The following WDPCP variants were observed in gnomAD, a reference collection of about 807,000 sequenced individuals.
WDPCP encodes WD repeat containing planar cell polarity effector, also known as WD repeat-containing and planar cell polarity effector protein fritz homolog.
Under a neutral mutation model 93.1 loss-of-function variants are expected in WDPCP, and 71 were observed. The observed-to-expected ratio is 0.76, with a 90% CI of 0.63 to 0.93. The LOEUF (loss-of-function observed/expected upper bound fraction) is 0.93. WDPCP is among the 40% of genes least tolerant of loss of function. The pLI is 0.00. For synonymous variants in WDPCP, 315 were observed against 315.0 expected (o/e 1.00, Z 0.00); for missense variants, 844 against 887.4 (o/e 0.95, Z 0.62).
At chr2:63,331,292 G>A (rs1687960231) in intron 12 of WDPCP, among the ~76,000 whole-genome samples, 1 of 151,956 alleles carries the variant, frequency 6.6e-6, no homozygotes, top group South Asian at 2.1e-4. Context: ...TTCTTTTGTT[G>A]GTATGAAATC....
At chr2:63,454,920 A>G (rs1161560046) in intron 6 of WDPCP, among the ~76,000 whole-genome samples, 1 of 152,218 alleles carries the variant, frequency 6.6e-6, no homozygotes, top group Non-Finnish European at 1.5e-5. Context: ...AATTGCTGAA[A>G]GAAAAATATA....
chr2:63,254,031 C>G (rs1205721199), intron 14 of WDPCP, among the ~76,000 whole-genome samples: 1 of 152,006 alleles, frequency 6.6e-6, no homozygotes, highest in African/African-American at 2.4e-5. Flanking sequence ...ATATATACAC[C>G]ATGGAAAACT....
At chr2:63,594,974 T>TC (rs1033354933) in intron 3 of WDPCP, 1 of 251,746 alleles carries the variant, frequency 4.0e-6, no homozygotes, top group Admixed American at 5.1e-5. Context: ...AAGCAGGCAC[T>TC]CCGACTTCCA....
intron 2 of WDPCP, among the ~76,000 whole-genome samples, chr2:63,802,012 C>G (rs1162007822): frequency 6.6e-6 from 1 of 152,122 alleles, no homozygotes; most frequent in Non-Finnish European, 1.5e-5. Flanking sequence ...TTAGTAAGCA[C>G]CACCTCTTCA....
chr2:63,482,970 CCTTT>C (rs1285302197), intron 6 of WDPCP, among the ~76,000 whole-genome samples: 4 of 151,662 alleles, frequency 2.6e-5, no homozygotes, highest in Admixed American at 6.6e-5. Context: ...ATGAAAATTC[CCTTT>C]CTGAGTTGAA....
At chr2:63,279,055 A>G (rs1271382998) in intron 13 of WDPCP, among the ~76,000 whole-genome samples, 1 of 152,208 alleles carries the variant, frequency 6.6e-6, no homozygotes, top group Non-Finnish European at 1.5e-5. Context: ...TCTATCAGAC[A>G]TTCAAAGAAT....
At chr2:63,818,969 T>A (rs1016170835) in intron 1 of WDPCP, among the ~76,000 whole-genome samples, 9 of 152,070 alleles carry the variant, frequency 5.9e-5, no homozygotes, top group Admixed American at 3.9e-4. Context: ...AATACAAACG[T>A]CTCTTGATAT....
At position 63,260,369 on chromosome 2, in the gene WDPCP, G is replaced by A. The variant is rs181300745; in HGVS notation, c.1813-960C>T. 3.1e-4 allele frequency among the ~76,000 whole-genome samples: 47 copies of A among 152,274 alleles called. 1 individual carries two copies. The highest frequency in any genetic ancestry group is 2.7e-3 in the Admixed American group (42 of 15,294). On this transcript the variant is annotated intron_variant, in intron 13 of 17. Coordinates refer to ENST00000272321, the MANE Select transcript of WDPCP (RefSeq NM_015910.7). ...AGAATATGAACAACCAGTTTACAGT[G>A]AAGAAATAAATATAAATGGCTTATC...
chr2:63,761,169 T>C (rs1205276053), intron 2 of WDPCP, among the ~76,000 whole-genome samples: 1 of 152,148 alleles, frequency 6.6e-6, no homozygotes, highest in Non-Finnish European at 1.5e-5. Flanking sequence ...TCTGCCTTCA[T>C]AAATGGATTA....
At chr2:63,720,724 C>CT (rs1669403802) in intron 2 of WDPCP, among the ~76,000 whole-genome samples, 2 of 152,222 alleles carry the variant, frequency 1.3e-5, no homozygotes, top group Non-Finnish European at 2.9e-5. Context: ...CATATACATA[C>CT]TGTCTTGTTC....
At chr2:63,520,416 A>G (rs781639866) in intron 1 of WDPCP, among the ~76,000 whole-genome samples, 3 of 152,168 alleles carry the variant, frequency 2.0e-5, no homozygotes, top group Non-Finnish European at 2.9e-5. Context: ...CAAGAAGATC[A>G]TCCCAAAGAC....
intron 2 of WDPCP, among the ~76,000 whole-genome samples, chr2:63,734,111 G>A (rs1489323693): frequency 6.6e-6 from 1 of 152,054 alleles, no homozygotes; most frequent in Non-Finnish European, 1.5e-5. Context: ...ATATTCCATT[G>A]TTAGATAAAC....
chr2:63,427,468 A>G (rs1354403657), intron 9 of WDPCP, among the ~76,000 whole-genome samples: 1 of 152,240 alleles, frequency 6.6e-6, no homozygotes, highest in Non-Finnish European at 1.5e-5. Context: ...TGGAAATTAA[A>G]CAACTTACTC....
chr2:63,175,962 T>A (rs944905255), intron 14 of WDPCP, among the ~76,000 whole-genome samples: 1 of 152,186 alleles, frequency 6.6e-6, no homozygotes, highest in Non-Finnish European at 1.5e-5. Flanking sequence ...GGGGATTGCC[T>A]ATCATACAGT....
intron 12 of WDPCP, among the ~76,000 whole-genome samples, chr2:63,325,304 C>T (rs1687446386): frequency 6.6e-6 from 1 of 152,140 alleles, no homozygotes; most frequent in South Asian, 2.1e-4. Context: ...AGAAACAAGC[C>T]ACCCCCTCGT....
chr2:63,137,353 G>T (rs1489252870), intron 17 of WDPCP, among the ~76,000 whole-genome samples: 1 of 152,012 alleles, frequency 6.6e-6, no homozygotes. Flanking sequence ...ATTGTTGTTT[G>T]TATGTATGAT....
At chr2:63,834,560 G>A in the WDPCP span, among the ~76,000 whole-genome samples, 11 of 152,224 alleles carry the variant, frequency 7.2e-5, no homozygotes, top group Admixed American at 5.9e-4. Context: ...GGGCACGCAA[G>A]TTGGGAGCCC....
intron 6 of WDPCP, among the ~76,000 whole-genome samples, chr2:63,467,724 GA>G (rs1309147140): frequency 4.1e-5 from 6 of 145,078 alleles, no homozygotes; most frequent in African/African-American, 1.5e-4. Flanking sequence ...TGCAGTGAGC[GA>G]AGATTGTGCC....
At chr2:63,597,271 A>T in intron 3 of WDPCP, 1 of 1,242,856 alleles carries the variant, frequency 8.0e-7, no homozygotes, top group Non-Finnish European at 1.0e-6. Context: ...GGCTCCTGAA[A>T]TGTATATCAG....
Sources: allele counts gnomAD v4.1 joint callset (sites outside exome capture counted in the v4.1 genomes callset), GRCh38; gene constraint gnomAD v4.1.1; transcripts MANE v1.5; gene names NCBI Gene and HGNC (gene_info 2026-07-23, HGNC 2026-07-21).